The following RECQL5 variants were observed in gnomAD, a reference collection of about 807,000 sequenced individuals.
RECQL5 encodes ATP-dependent DNA helicase Q5.
In RECQL5, 88 loss-of-function variants were observed where a neutral mutation model predicts 103.4. That is an observed-to-expected ratio of 0.85 (90% CI 0.72 to 1.02). The LOEUF (loss-of-function observed/expected upper bound fraction) is 1.02. RECQL5 is among the 50% of genes least tolerant of loss of function. The pLI is 0.00. For synonymous variants in RECQL5, 552 were observed against 507.9 expected, an observed-to-expected ratio of 1.09 and a Z score of -1.17; for missense variants, 1,232 against 1,284.3, an observed-to-expected ratio of 0.96 and a Z score of 0.62.
In RECQL5 at chr17:75,628,989, C is replaced by G. The variant is rs777672414; in HGVS notation, c.2434G>C (p.Gly812Arg). ...TGGGGAGGGGCAGGCGAATGTCCCC[C>G]GGCTCCATCTTCCTCCCCTGTGTAC... Reference protein sequence around the residue: ...EKYTGEEDGAGGHSPAPPQTE... With the variant: ...EKYTGEEDGARGHSPAPPQTE... The change falls in exon 16 of 20, where the codon GGG (glycine) becomes CGG (arginine). Residue 812 changes from glycine (G) to arginine (R), a missense_variant. Gly to Arg is a moderately radical substitution (Grantham distance 125, BLOSUM62 -2). Transcript: ENST00000317905. 2 of 1,563,126 alleles carry G rather than the reference C, an allele frequency of 1.3e-6. No individual in the cohort carries two copies. Among genetic ancestry groups the G allele is most frequent in the South Asian group, 1.2e-5 (1 of 82,594 alleles).
intron 8 of RECQL5, chr17:75,639,329 T>G (rs1158617026): frequency 6.6e-6 from 1 of 152,304 alleles, no homozygotes; most frequent in Non-Finnish European, 1.5e-5. Flanking sequence ...GACAAGGTTG[T>G]CTCTGGCTCC....
intron 8 of RECQL5, among the ~76,000 whole-genome samples, chr17:75,633,052 C>T (rs1286515576): frequency 6.6e-6 from 1 of 152,254 alleles, no homozygotes; most frequent in East Asian, 1.9e-4. Flanking sequence ...GTGAATGCAG[C>T]TCTGAAGCCT....
rs746881212 is a variant in RECQL5, at chr17:75,628,710, T to C, written c.2542A>G (p.Lys848Glu). 6 of 1,592,154 alleles carry C rather than the reference T, an allele frequency of 3.8e-6. No individual in the cohort carries two copies. Among genetic ancestry groups the C allele is most frequent in the African/African-American group, 2.7e-5 (2 of 73,448 alleles). Residue 848 changes from lysine to glutamate, a missense_variant, in exon 17 of 20, where the codon AAG becomes GAG. Physicochemically the swap from Lys to Glu is moderately conservative, Grantham distance 56. Coordinates refer to ENST00000317905, the MANE Select transcript of RECQL5 (RefSeq NM_004259.7). Reference protein sequence around the residue: ...GTPEVQPTPAKDTWKGKRPRS... With the variant: ...GTPEVQPTPAEDTWKGKRPRS... ...GGCCGCTTGCCCTTCCATGTGTCCT[T>C]TGCAGGGGTGGGCTGGACTTCAGGG...
intron 6 of RECQL5, among the ~76,000 whole-genome samples, chr17:75,659,502 A>C (rs934476438): frequency 1.3e-5 from 2 of 152,124 alleles, no homozygotes; most frequent in African/African-American, 2.4e-5. Flanking sequence ...GACTACAGGC[A>C]CATGCCACTA....
chr17:75,634,315 C>T (rs2059278011), intron 8 of RECQL5: 1 of 953,490 alleles, frequency 1.0e-6, no homozygotes, highest in Non-Finnish European at 1.2e-6. Context: ...TCTTCGGGGA[C>T]ATGCTGGGTC....
intron 5 of RECQL5, 147 bp from the exon 6 acceptor site, chr17:75,661,213 T>A: frequency 1.5e-6 from 1 of 670,064 alleles, no homozygotes; most frequent in Non-Finnish European, 2.7e-6. Context: ...ATCAGGCGCT[T>A]AACTTTACTG....
In RECQL5 at chr17:75,662,985, G is replaced by A. The variant is rs374661348; in HGVS notation, c.265C>T (p.His89Tyr). ...LIALIQDQVD[H>Y]LLTLKVRVSS... is the part of the protein sequence containing the mutation. ...ACTCGTACCTTTAGGGTTAGCAAGT[G>A]GTCCACTTGGTCCTAAGAGAAGAGA... is the stretch of plus-strand genomic sequence containing the variant. Residue 89 changes from histidine to tyrosine, a missense_variant, in exon 4 of 20, where the codon CAC (histidine) becomes TAC (tyrosine). Transcript: ENST00000317905. 8 of 1,599,636 alleles carry A rather than the reference G, an allele frequency of 5.0e-6. No homozygotes were observed. In the African/African-American group the frequency reaches 6.7e-5, roughly 13 times the overall value.
chr17:75,640,014 C>T lies in RECQL5; in HGVS notation c.1230-8346G>A. ...GTGTCAGCTGGGTGGGGACTGAGGG[C>T]CACCACTAGGTGGAAGTCACCAGGG... On this transcript the variant is annotated intron_variant, in intron 8 of 19. Transcript: ENST00000317905. This position sits in a 1 kb window ranked among gnomAD's most constrained non-coding sequence, Gnocchi z 4.6. 1.3e-6 allele frequency: 1 copy of T among 759,502 alleles called. No homozygotes were observed. The highest frequency in any genetic ancestry group is 2.0e-6 in the Non-Finnish European group (1 of 497,704). The allele number at this position is 759,502 out of a possible 1,614,324, so 47.0% of individuals were successfully genotyped here. A position where few individuals can be genotyped will look rare whatever the true frequency, so the allele number is the denominator to read the frequency against.
chr17:75,634,105 C>T, intron 8 of RECQL5: 1 of 985,546 alleles, frequency 1.0e-6, no homozygotes, highest in Non-Finnish European at 1.2e-6. Context: ...CTGAGGCGCC[C>T]AGGGGAGCAG....
At chr17:75,655,225 C>T (rs1012040727) in intron 7 of RECQL5, among the ~76,000 whole-genome samples, 2 of 152,312 alleles carry the variant, frequency 1.3e-5, no homozygotes, top group Admixed American at 6.5e-5. Context: ...GAGCCCGCCA[C>T]CACGCGCGGC....
intron 8 of RECQL5, among the ~76,000 whole-genome samples, chr17:75,644,050 T>G (rs1035073364): frequency 6.6e-6 from 1 of 152,216 alleles, no homozygotes; most frequent in Non-Finnish European, 1.5e-5. Flanking sequence ...CTGCCTGTAA[T>G]CCCAGCACTT....
rs930509928 is a variant in RECQL5 at position 75,661,641 on chromosome 17, C to T, written c.839G>A (p.Ser280Asn). The T allele has an allele frequency of 4.3e-6, 7 of 1,614,136 alleles. No individual in the cohort carries two copies. Among genetic ancestry groups the T allele is most frequent in the Middle Eastern group, 1.7e-4 (1 of 6,044 alleles). The change falls in exon 5 of 20, where the codon AGC (serine) becomes AAC (asparagine). Residue 280 changes from serine to asparagine, a missense_variant. Physicochemically the swap from Ser to Asn is conservative, Grantham distance 46. Transcript: ENST00000317905. ...EACEQLAIEL[S>N]CRGVNAKAYH... ...AGCCTTGGCGTTCACACCCCTGCAGCTGAGCTCTATGGCCAGCTGTTCACA... is the reference window on the plus strand; with the variant it reads ...AGCCTTGGCGTTCACACCCCTGCAGTTGAGCTCTATGGCCAGCTGTTCACA...
intron 3 of RECQL5, among the ~76,000 whole-genome samples, chr17:75,663,976 C>T (rs1485259312): frequency 6.6e-6 from 1 of 151,208 alleles, no homozygotes; most frequent in East Asian, 2.0e-4. Context: ...ACTGCTTGAA[C>T]CCGGGAGGCG....
At chr17:75,650,560 A>G in intron 8 of RECQL5, 3 of 1,540,338 alleles carry the variant, frequency 1.9e-6, no homozygotes, top group South Asian at 1.2e-5. Context: ...CGACAGGATC[A>G]TTCCATGAGA....
chr17:75,645,219 G>A (rs2059475635), intron 8 of RECQL5, among the ~76,000 whole-genome samples: 1 of 152,210 alleles, frequency 6.6e-6, no homozygotes. Flanking sequence ...TAGTTATCAT[G>A]TCTGCATCTT....
chr17:75,658,382 C>T lies in RECQL5; in HGVS notation c.1065G>A (p.Lys355=), dbSNP rs994133342. Residue 355 remains lysine, a synonymous_variant, in exon 7 of 20, where the codon AAG becomes AAA. Coordinates refer to ENST00000317905, the MANE Select transcript of RECQL5 (RefSeq NM_004259.7). ...AGTAATAGAGACGGCACCAGGAAGG[C>T]TTCCCATCCCTGCCAGCCCGGCCAG... ...QESGRAGRDG[K]PSWCRLYYSR... 3.1e-6 allele frequency: 5 copies of T among 1,613,984 alleles called. No individual in the cohort carries two copies. The highest frequency in any genetic ancestry group is 4.2e-6 in the Non-Finnish European group (5 of 1,179,982).
In RECQL5 at chr17:75,640,261, G is replaced by A; in HGVS notation, c.1230-8593C>T. ...CCGTGGGCGAGAGGCTGCTGCTCAA[G>A]CTGCAGAGACTGCCCCAGGCTGAGC... On this transcript the variant is annotated intron_variant, in intron 8 of 19. Transcript: ENST00000317905. This position sits in a 1 kb window ranked among gnomAD's most constrained non-coding sequence, Gnocchi z 4.6. The A allele has an allele frequency of 1.3e-6, 2 of 1,551,526 alleles. No individual in the cohort carries two copies. The highest frequency in any genetic ancestry group is 1.7e-6 in the Non-Finnish European group (2 of 1,146,914).
In RECQL5 at chr17:75,629,222, CT is replaced by C. The variant is rs1568255229; in HGVS notation, c.2200del (p.Ser734ValfsTer20). 5.6e-6 allele frequency: 9 copies of C among 1,613,138 alleles called. No individual in the cohort carries two copies. Among genetic ancestry groups the C allele is most frequent in the Non-Finnish European group, 6.8e-6 (8 of 1,179,856 alleles). On this transcript the variant is annotated frameshift_variant, in exon 16 of 20. Coordinates refer to ENST00000317905, the MANE Select transcript of RECQL5 (RefSeq NM_004259.7). LOFTEE classifies it high-confidence loss of function. The stretch of plus-strand genomic sequence containing the variant: ...GGCAAGGGAGCTGCCCCCAGAGGAA[CT>C]TTTTGCCTTCTTCTCAGGGGAGGGC... ...GGPSPEKKAKSSSGGSSLAKG... is the reference protein window; with the variant it reads ...GGPSPEKKAKXSSGGSSLAKG...
chr17:75,661,758 T>C (rs904733838), intron 4 of RECQL5, 50 bp from the exon 5 acceptor site: 4 of 1,393,218 alleles, frequency 2.9e-6, no homozygotes, highest in Non-Finnish European at 3.1e-6. Flanking sequence ...AACAGAACAA[T>C]AGGCCCAGTG....
Sources: gnomAD v4.1 joint callset for allele counts (sites outside exome capture counted in the v4.1 genomes callset) on GRCh38, gnomAD v4.1.1 for gene constraint, Gnocchi (gnomAD v3.1) non-coding constraint, MANE v1.5 for transcripts, NCBI Gene and HGNC (gene_info 2026-07-23, HGNC 2026-07-21) for gene names.